Variants in UTS2 observed in about 807,000 individuals in gnomAD.
The protein encoded by UTS2 is urotensin 2.
Under a neutral mutation model 12.6 loss-of-function variants are expected in UTS2, and 10 were observed. The ratio of observed to expected loss-of-function variants is 0.80; its 90% CI spans 0.49 to 1.35. The LOEUF is 1.35. UTS2 is among the 40% of genes most tolerant of loss of function. The pLI is 0.00. For missense variants in UTS2, 142 were observed against 143.2 expected, an observed-to-expected ratio of 0.99 and a Z score of 0.04; for synonymous variants, 52 against 50.0, an observed-to-expected ratio of 1.04 and a Z score of -0.17.
rs749148153 is a variant in UTS2 at position 7,847,740 on chromosome 1, GCTGA to G, written c.*22_*25del. ...CATATTCTAAGATGGGTGTTTCTGAGCTGACTAACAGATGCTTATTTCACTTCAG... is the reference window on the plus strand; with the variant it reads ...CATATTCTAAGATGGGTGTTTCTGAGCTAACAGATGCTTATTTCACTTCAG... On this transcript the variant is annotated 3_prime_UTR_variant, in exon 4 of 4. Coordinates refer to ENST00000361696, the MANE Select transcript of UTS2 (RefSeq NM_006786.4). 1.2e-4 allele frequency: 191 copies of G among 1,536,002 alleles called. 1 individual carries two copies. Among genetic ancestry groups the G allele is most frequent in the South Asian group, 6.2e-4 (54 of 86,526 alleles).
chr1:7,863,077 TG>T, the UTS2 span, among the ~76,000 whole-genome samples: 1 of 90,782 alleles, frequency 1.1e-5, no homozygotes. Context: ...TGTATTGTAT[TG>T]TATTGTATTG....
the UTS2 span, among the ~76,000 whole-genome samples, chr1:7,911,127 G>C: frequency 6.6e-5 from 10 of 152,198 alleles, 1 homozygote; most frequent in East Asian, 9.7e-4. Context: ...ACGGCTATCA[G>C]ACCGCAAAGG....
At chr1:7,891,536 A>AAAAGAAAAAG in the UTS2 span, among the ~76,000 whole-genome samples, 3 of 109,906 alleles carry the variant, frequency 2.7e-5, 1 homozygote, top group South Asian at 1.0e-3. Flanking sequence ...AGAAAGAAAG[A>AAAAGAAAAAG]AAAGAAAGAA....
upstream of UTS2, among the ~76,000 whole-genome samples, chr1:7,857,852 G>A (rs1345451701): frequency 1.4e-3 from 168 of 118,492 alleles, no homozygotes; most frequent in African/African-American, 1.7e-3. Context: ...CCAGTCTCCA[G>A]AAAAAAAAAA....
the UTS2 span, among the ~76,000 whole-genome samples, chr1:7,861,934 G>A: frequency 6.7e-6 from 1 of 148,390 alleles, no homozygotes; most frequent in African/African-American, 2.5e-5. Flanking sequence ...TTTTTTCTGA[G>A]ATGGAGTCTC....
chr1:7,854,124 T>A (rs547547513), upstream of UTS2, among the ~76,000 whole-genome samples: 3 of 151,890 alleles, frequency 2.0e-5, no homozygotes, highest in African/African-American at 7.2e-5. Context: ...GGCGGATGGA[T>A]CACGAGGTCA....
chr1:7,863,374 G>T, the UTS2 span, among the ~76,000 whole-genome samples: 3 of 151,956 alleles, frequency 2.0e-5, no homozygotes, highest in Non-Finnish European at 2.9e-5. Context: ...GCCTCCCAAA[G>T]TGCTGGGATT....
the UTS2 span, among the ~76,000 whole-genome samples, chr1:7,907,260 A>G: frequency 6.6e-6 from 1 of 152,082 alleles, no homozygotes; most frequent in African/African-American, 2.4e-5. Context: ...CAAAACAAAA[A>G]CAAAAAATTG....
chr1:7,852,121 T>C (rs990426747), intron 1 of UTS2, among the ~76,000 whole-genome samples: 2 of 152,038 alleles, frequency 1.3e-5, no homozygotes. Context: ...CGAGAAACTA[T>C]AAAATCCTTG....
chr1:7,893,790 C>T, the UTS2 span, among the ~76,000 whole-genome samples: 1 of 152,138 alleles, frequency 6.6e-6, no homozygotes, highest in South Asian at 2.1e-4. Context: ...CCATATATTT[C>T]GTCGCACTTT....
chr1:7,863,133 C>A, the UTS2 span, among the ~76,000 whole-genome samples: 127 of 135,718 alleles, frequency 9.4e-4, 1 homozygote, highest in African/African-American at 3.5e-3. Context: ...GTATTTGAGA[C>A]GAAGTTTTGC....
In UTS2 at chr1:7,847,759, T is replaced by G. The variant is rs1289069386; in HGVS notation, c.*7A>C. On this transcript the variant is annotated 3_prime_UTR_variant, in exon 4 of 4. Coordinates refer to ENST00000361696, the MANE Select transcript of UTS2 (RefSeq NM_006786.4). Reference sequence around the variant, plus strand: ...TTCTGAGCTGACTAACAGATGCTTATTTCACTTCAGACACAGTATTTCCAG... The same window carrying G: ...TTCTGAGCTGACTAACAGATGCTTAGTTCACTTCAGACACAGTATTTCCAG... The G allele has an allele frequency of 6.3e-6, 10 of 1,596,162 alleles. No homozygotes were observed. Among genetic ancestry groups the G allele is most frequent in the African/African-American group, 1.3e-5 (1 of 74,320 alleles).
At chr1:7,907,641 T>TAA in the UTS2 span, among the ~76,000 whole-genome samples, 677 of 131,594 alleles carry the variant, frequency 5.1e-3, 5 homozygotes, top group African/African-American at 0.018. Flanking sequence ...ACCATGTCTC[T>TAA]AAAAAAAAAA....
the UTS2 span, among the ~76,000 whole-genome samples, chr1:7,861,838 T>C: frequency 2.0e-5 from 3 of 151,952 alleles, no homozygotes; most frequent in Non-Finnish European, 4.4e-5. Context: ...ATTTCTACTT[T>C]GGTGACAAGT....
At chr1:7,882,796 C>A in the UTS2 span, among the ~76,000 whole-genome samples, 3 of 151,936 alleles carry the variant, frequency 2.0e-5, no homozygotes, top group Non-Finnish European at 2.9e-5. Flanking sequence ...ATACAAATGG[C>A]CAAGAGATAT....
At chr1:7,849,524 A>C (rs778094935) in intron 3 of UTS2, 116 bp downstream of exon 3, 25 of 973,268 alleles carry the variant, frequency 2.6e-5, no homozygotes, top group Non-Finnish European at 3.8e-5. Flanking sequence ...CTGGCCAATT[A>C]TTTTAAGGTG....
upstream of UTS2, among the ~76,000 whole-genome samples, chr1:7,853,879 A>C (rs191289527): frequency 1.7e-3 from 261 of 152,378 alleles, no homozygotes; most frequent in African/African-American, 6.1e-3. Flanking sequence ...AAGCATCTGC[A>C]TAAGTCAGAT....
chr1:7,872,299 C>CA, the UTS2 span, among the ~76,000 whole-genome samples: 4,846 of 65,692 alleles, frequency 0.074, 523 homozygotes, highest in Middle Eastern at 0.21. Context: ...GACTCTGTCT[C>CA]AAAAAAAAAA....
upstream of UTS2, among the ~76,000 whole-genome samples, chr1:7,856,700 C>T (rs576376318): frequency 5.6e-4 from 52 of 93,088 alleles, no homozygotes; most frequent in South Asian, 0.016. Context: ...TTTCTCAGCA[C>T]CCCCATGTGC....
Sources: gnomAD v4.1 joint callset for allele counts (sites outside exome capture counted in the v4.1 genomes callset) on GRCh38, gnomAD v4.1.1 for gene constraint, MANE v1.5 for transcripts, NCBI Gene and HGNC (gene_info 2026-07-23, HGNC 2026-07-21) for gene names.